Variants in GSN observed in about 807,000 individuals in gnomAD.
The protein encoded by GSN is actin-depolymerizing factor.
A neutral mutation model predicts 85.7 loss-of-function variants in GSN; 56 were observed. The ratio of observed to expected loss-of-function variants is 0.65; its 90% CI spans 0.53 to 0.82. The LOEUF (loss-of-function observed/expected upper bound fraction) is 0.82, where lower values mean the gene tolerates loss of function less well. Ranked by LOEUF, GSN falls within the 40% of genes least tolerant of loss-of-function variation. The pLI, the probability that GSN is intolerant of heterozygous loss-of-function variation, is 0.00. For synonymous variants in GSN, 373 were observed against 399.1 expected (o/e 0.93, Z 0.78); for missense variants, 857 against 979.8 (o/e 0.87, Z 1.67).
rs62580465 is a variant in GSN at position 121,324,174 on chromosome 9, G to A, written c.1326-380G>A. 4.6e-5 allele frequency among the ~76,000 whole-genome samples: 7 copies of A among 152,120 alleles called. No homozygotes were observed. The East Asian group carries it at 5.8e-4, about 13-fold the overall frequency. On this transcript the variant is annotated intron_variant, in intron 11 of 17. Coordinates refer to ENST00000432226, the MANE Select transcript of GSN (RefSeq NM_198252.3). ...CATCTTTTCCCACAAATAGGCTCTC[G>A]TAACACTTGCTATTCTGCGACCTGC...
chr9:121,327,702 G>C (rs974507731), intron 14 of GSN, among the ~76,000 whole-genome samples: 1 of 149,396 alleles, frequency 6.7e-6, no homozygotes, highest in African/African-American at 2.6e-5. Context: ...GCCTGGGCGT[G>C]GTGGTTCATG....
chr9:121,317,440 G>C (rs912600853), intron 8 of GSN: 2 of 561,790 alleles, frequency 3.6e-6, no homozygotes, highest in Non-Finnish European at 3.2e-6. Context: ...GGGCTAAAAT[G>C]GGTGTTTCCC....
rs543446202 is a variant in GSN at position 121,304,372 on chromosome 9, G to A, written c.351+1307G>A. ...CCTTCTTCCCACAGCCCTTTCTGGG[G>A]CCTTGATACCTTGCAGAAGGAGAGG... On this transcript the variant is annotated intron_variant, in intron 4 of 17. Transcript: ENST00000432226. Among the ~76,000 whole-genome samples, 14 of 152,362 alleles carry A rather than the reference G, an allele frequency of 9.2e-5. No individual in the cohort carries two copies. In the East Asian group the frequency reaches 2.7e-3, roughly 29 times the overall value.
At chr9:121,227,791 T>G (rs1471889934) in intron 4 of GSN, among the ~76,000 whole-genome samples, 4 of 152,070 alleles carry the variant, frequency 2.6e-5, no homozygotes, top group African/African-American at 9.7e-5. Context: ...TTTCTATATT[T>G]AATACCTGGG....
intron 13 of GSN, 66 bp downstream of exon 13, chr9:121,326,748 G>T: frequency 1.5e-6 from 2 of 1,356,152 alleles, no homozygotes; most frequent in South Asian, 1.2e-5. Context: ...TCAATGACCA[G>T]ATCTCCAGGC....
In GSN at chr9:121,329,106, T is replaced by C. The variant is rs2063596143; in HGVS notation, c.1887+91T>C. On this transcript the variant is annotated intron_variant, in intron 15 of 17. Transcript: ENST00000432226. This position sits in a 1 kb window ranked among gnomAD's most constrained non-coding sequence, Gnocchi z 4.6. ...GCAGCAGGGGCAGGAGAAACAGTTC[T>C]GATGGTGTGGCACAGAGGAAGGGGC... is the stretch of plus-strand genomic sequence containing the variant. The C allele has an allele frequency of 5.1e-6, 8 of 1,563,402 alleles. No individual in the cohort carries two copies. In the Admixed American group the frequency reaches 1.2e-4, roughly 24 times the overall value.
chr9:121,282,178 A>T, intron 2 of GSN: 1 of 505,224 alleles, frequency 2.0e-6, no homozygotes, highest in Admixed American at 3.3e-5. Flanking sequence ...AGACTGGCTC[A>T]CCTCCCAGCT....
chr9:121,278,927 T>A (rs973748312), intron 1 of GSN, among the ~76,000 whole-genome samples: 1 of 152,214 alleles, frequency 6.6e-6, no homozygotes, highest in African/African-American at 2.4e-5. Flanking sequence ...CTTTGCCGGC[T>A]CTGTGAATGT....
At chr9:121,311,498 G>A (rs2061138732) in intron 5 of GSN, 2 of 157,368 alleles carry the variant, frequency 1.3e-5, no homozygotes, top group South Asian at 1.9e-4. Context: ...ACACAGAGGA[G>A]TGTGTGAATC....
chr9:121,328,872 G>A lies in GSN; in HGVS notation c.1763-19G>A, dbSNP rs1405886207. ...GGGTGATGGCGTCCCTTGGCAACTG[G>A]CGTGGCCTCCCCTCACAGATGGCTT... On this transcript the variant is annotated intron_variant, in intron 14 of 17. Coordinates refer to ENST00000432226, the MANE Select transcript of GSN (RefSeq NM_198252.3). The A allele has an allele frequency of 6.2e-7, 1 of 1,609,656 alleles. No individual in the cohort carries two copies. The highest frequency in any genetic ancestry group is 1.1e-5 in the South Asian group (1 of 91,068).
At chr9:121,301,942 C>G in intron 2 of GSN, 21 bp from the exon 3 acceptor site, 1 of 1,614,004 alleles carries the variant, frequency 6.2e-7, no homozygotes, top group South Asian at 1.1e-5. Flanking sequence ...CCCGCTTAGG[C>G]TCTGCCCTGT....
At chr9:121,298,761 T>C (rs1473649774) in intron 2 of GSN, among the ~76,000 whole-genome samples, 2 of 152,134 alleles carry the variant, frequency 1.3e-5, no homozygotes, top group Non-Finnish European at 2.9e-5. Flanking sequence ...CAAAGAGAAC[T>C]TAGAGGTGGA....
intron 10 of GSN, among the ~76,000 whole-genome samples, chr9:121,320,198 A>G (rs1293253035): frequency 6.6e-6 from 1 of 152,158 alleles, no homozygotes; most frequent in Non-Finnish European, 1.5e-5. Context: ...CAGGACTTGG[A>G]CGACTCCGTG....
At chr9:121,287,036 C>G (rs2058181162) in intron 2 of GSN, among the ~76,000 whole-genome samples, 2 of 152,026 alleles carry the variant, frequency 1.3e-5, no homozygotes, top group Non-Finnish European at 2.9e-5. Flanking sequence ...TATCTAGGGC[C>G]CCACACAAGG....
intron 4 of GSN, among the ~76,000 whole-genome samples, chr9:121,220,467 C>A (rs1464983196): frequency 1.3e-5 from 2 of 152,236 alleles, no homozygotes; most frequent in Non-Finnish European, 2.9e-5. Flanking sequence ...GTTCTGTTAA[C>A]ACATCCATTT....
At chr9:121,331,664 A>G in intron 17 of GSN, 1 of 524,298 alleles carries the variant, frequency 1.9e-6, no homozygotes, top group Non-Finnish European at 3.4e-6. Context: ...GGCTTCTCAA[A>G]GAAGGCTCTC....
intron 5 of GSN, among the ~76,000 whole-genome samples, chr9:121,247,415 A>G (rs374665022): frequency 1.3e-5 from 2 of 152,326 alleles, no homozygotes; most frequent in South Asian, 2.1e-4. Flanking sequence ...TAGCCTTCCA[A>G]CTGTGCAGCC....
At chr9:121,319,319 G>A (rs984977843) in intron 10 of GSN, among the ~76,000 whole-genome samples, 7 of 152,220 alleles carry the variant, frequency 4.6e-5, no homozygotes, top group Admixed American at 1.3e-4. Flanking sequence ...CGCTATGTTC[G>A]GAAAGGAGGG....
chr9:121,297,508 C>T (rs1277296345), intron 2 of GSN, among the ~76,000 whole-genome samples: 1 of 152,204 alleles, frequency 6.6e-6, no homozygotes. Flanking sequence ...TCCTTCTTCC[C>T]TTTCCAGCAA....
Sources: gnomAD v4.1 joint callset for allele counts (sites outside exome capture counted in the v4.1 genomes callset) on GRCh38, gnomAD v4.1.1 for gene constraint, Gnocchi (gnomAD v3.1) non-coding constraint, MANE v1.5 for transcripts, NCBI Gene and HGNC (gene_info 2026-07-23, HGNC 2026-07-21) for gene names.